Variants in PLXDC2 observed in about 807,000 individuals in gnomAD.
PLXDC2 encodes the protein plexin domain-containing protein 2.
A neutral mutation model predicts 68.9 loss-of-function variants in PLXDC2; 40 were observed. The ratio of observed to expected loss-of-function variants is 0.58; its 90% confidence interval spans 0.45 to 0.76. The LOEUF is 0.76. Among genes scored for constraint, PLXDC2 ranks in the 30% least tolerant of loss-of-function variants. The probability of loss-of-function intolerance (pLI) is 0.00; values close to 1 mark genes in which losing one functional copy is unlikely to be tolerated. For synonymous variants in PLXDC2, 243 were observed against 234.2 expected (o/e 1.04, Z -0.34); for missense variants, 644 against 661.9 (o/e 0.97, Z 0.30).
Position 20,225,749 on chromosome 10 carries a change from C to G in PLXDC2, c.1312+6647C>G, listed in dbSNP as rs149830573. Among the ~76,000 whole-genome samples, 36 of 152,218 alleles carry G rather than the reference C, an allele frequency of 2.4e-4. No individual in the cohort carries two copies. The East Asian group carries it at 6.8e-3, about 29-fold the overall frequency. On this transcript the variant is annotated intron_variant, in intron 12 of 13. Transcript: ENST00000377252. The stretch of plus-strand genomic sequence containing the variant: ...TTTATTATTCCAACTTACAAAATTT[C>G]TACACTCAAACTATTCTCCATAACA...
At chr10:19,873,422 T>TG (rs1564615613) in intron 1 of PLXDC2, among the ~76,000 whole-genome samples, 2 of 149,530 alleles carry the variant, frequency 1.3e-5, no homozygotes, top group African/African-American at 4.9e-5. Context: ...TTTTTTTTTT[T>TG]TTTTTTGAAC....
intron 1 of PLXDC2, among the ~76,000 whole-genome samples, chr10:19,921,655 G>A (rs1474542909): frequency 1.3e-5 from 2 of 152,172 alleles, no homozygotes; most frequent in East Asian, 3.9e-4. Context: ...TCTTCCTTAA[G>A]GTTGCAGCTT....
At chr10:19,873,191 C>T (rs914379600) in intron 1 of PLXDC2, among the ~76,000 whole-genome samples, 2 of 152,004 alleles carry the variant, frequency 1.3e-5, no homozygotes, top group Non-Finnish European at 2.9e-5. Flanking sequence ...GTGGAGGGAG[C>T]CTAGAGATGC....
At position 20,235,386 on chromosome 10, in the gene PLXDC2, A is replaced by G. The variant is rs1315106248; in HGVS notation, c.1313-9959A>G. Among the ~76,000 whole-genome samples, 4 of 152,368 alleles carry G rather than the reference A, an allele frequency of 2.6e-5. No homozygotes were observed. In the South Asian group the frequency reaches 6.2e-4, roughly 24 times the overall value. On this transcript the variant is annotated intron_variant, in intron 12 of 13. Coordinates refer to ENST00000377252, the MANE Select transcript of PLXDC2 (RefSeq NM_032812.9). ...GTATTAACAATAATACTGAAGATCA[A>G]TATAACAAAGTATACTAATCAATAG...
At chr10:20,190,745 C>G (rs1384838289) in intron 9 of PLXDC2, among the ~76,000 whole-genome samples, 2 of 151,656 alleles carry the variant, frequency 1.3e-5, no homozygotes, top group Non-Finnish European at 2.9e-5. Context: ...TGTGGGGAAT[C>G]TAATGTTAAA....
intron 3 of PLXDC2, among the ~76,000 whole-genome samples, chr10:20,056,140 A>G (rs1372784968): frequency 6.6e-6 from 1 of 152,188 alleles, no homozygotes; most frequent in East Asian, 1.9e-4. Flanking sequence ...TGCCTACCAC[A>G]TACAATATAT....
chr10:19,891,255 A>C (rs12572892), intron 1 of PLXDC2, among the ~76,000 whole-genome samples: 7,699 of 152,230 alleles, frequency 0.051, 274 homozygotes, highest in South Asian at 0.14. Flanking sequence ...ACCAAAATGC[A>C]ATATTATAGT....
intron 7 of PLXDC2, among the ~76,000 whole-genome samples, chr10:20,172,270 CT>C (rs1291865584): frequency 6.9e-6 from 1 of 144,250 alleles, no homozygotes; most frequent in African/African-American, 2.6e-5. Context: ...GATGTAATGA[CT>C]TGGCAAATAT....
chr10:19,895,264 G>A (rs1178934933), intron 1 of PLXDC2, among the ~76,000 whole-genome samples: 3 of 152,104 alleles, frequency 2.0e-5, no homozygotes, highest in Non-Finnish European at 2.9e-5. Flanking sequence ...GCCCAGCATG[G>A]TAGAGCTGGG....
Position 19,950,785 on chromosome 10 carries a change from A to G in PLXDC2, c.113-50990A>G, listed in dbSNP as rs142825799. Among the ~76,000 whole-genome samples the G allele has an allele frequency of 9.9e-3, 1,511 of 152,326 alleles. 27 individuals are homozygous for G. Among genetic ancestry groups the G allele is most frequent in the African/African-American group, 0.034 (1,408 of 41,576 alleles). ...GCTACAGTAAACAAAACAGCATGGTACTGGTACAAGAACAGACACATAGAC... is the reference window on the plus strand; with the variant it reads ...GCTACAGTAAACAAAACAGCATGGTGCTGGTACAAGAACAGACACATAGAC... On this transcript the variant is annotated intron_variant, in intron 1 of 13. Coordinates refer to ENST00000377252, the MANE Select transcript of PLXDC2 (RefSeq NM_032812.9).
chr10:20,200,178 A>G (rs894169284), intron 9 of PLXDC2, among the ~76,000 whole-genome samples: 1 of 151,964 alleles, frequency 6.6e-6, no homozygotes, highest in African/African-American at 2.4e-5. Context: ...AAAATTACAG[A>G]CACATGGTAT....
At chr10:19,967,685 A>G (rs1834286276) in intron 1 of PLXDC2, among the ~76,000 whole-genome samples, 1 of 152,222 alleles carries the variant, frequency 6.6e-6, no homozygotes, top group Non-Finnish European at 1.5e-5. Context: ...CTGAAAAAAC[A>G]TTGCAGATAC....
chr10:19,973,364 G>GTGTATATATGTATACA (rs1385368548), intron 1 of PLXDC2, among the ~76,000 whole-genome samples: 25 of 79,450 alleles, frequency 3.1e-4, no homozygotes, highest in African/African-American at 1.1e-3. Flanking sequence ...ACATATATAT[G>GTGTATATATGTATACA]TATACATATA....
chr10:20,073,757 A>G lies in PLXDC2; in HGVS notation c.541+5518A>G, dbSNP rs900933535. ...AAACAGTTTCATTAGTGATACCACC[A>G]AGATGTGTTTTTTGCATATCACACT... On this transcript the variant is annotated intron_variant, in intron 4 of 13. Coordinates refer to ENST00000377252, the MANE Select transcript of PLXDC2 (RefSeq NM_032812.9). Among the ~76,000 whole-genome samples the G allele has an allele frequency of 2.6e-5, 4 of 152,302 alleles. No homozygotes were observed. In the East Asian group the frequency reaches 7.7e-4, roughly 29 times the overall value.
intron 1 of PLXDC2, among the ~76,000 whole-genome samples, chr10:19,923,129 A>T (rs1375825827): frequency 6.6e-6 from 1 of 152,190 alleles, no homozygotes; most frequent in African/African-American, 2.4e-5. Context: ...TAGACCAGGA[A>T]GTTGTAAATT....
rs752122871 is a variant in PLXDC2, at chr10:20,176,974, T to C, written c.884-25T>C. The C allele has an allele frequency of 4.9e-5, 74 of 1,519,252 alleles. No individual in the cohort carries two copies. The East Asian group carries it at 1.6e-3, about 33-fold the overall frequency. 94.1% of individuals were successfully genotyped at this position (1,519,252 alleles called of 1,614,324 possible). A position where few individuals can be genotyped will look rare whatever the true frequency, so the allele number is the denominator to read the frequency against. ...TTGTAAGCGAGGAAAGGTTAAAAAT[T>C]GATTTTTTTTCCTTTTTTTTCTAGA... is the stretch of plus-strand genomic sequence containing the variant. On this transcript the variant is annotated intron_variant, in intron 7 of 13. Transcript: ENST00000377252.
At chr10:19,851,521 C>A (rs1441352676) in intron 1 of PLXDC2, among the ~76,000 whole-genome samples, 1 of 152,062 alleles carries the variant, frequency 6.6e-6, no homozygotes, top group Non-Finnish European at 1.5e-5. Flanking sequence ...CCCACACTTT[C>A]CTTCAGCTCT....
chr10:19,890,202 C>CT (rs1439748083), intron 1 of PLXDC2, among the ~76,000 whole-genome samples: 2 of 151,906 alleles, frequency 1.3e-5, no homozygotes, highest in African/African-American at 2.4e-5. Flanking sequence ...TAGAGAACTG[C>CT]TTTTTTCATT....
chr10:19,900,757 G>A (rs929085294), intron 1 of PLXDC2, among the ~76,000 whole-genome samples: 2 of 151,604 alleles, frequency 1.3e-5, no homozygotes, highest in East Asian at 1.9e-4. Flanking sequence ...TCTCACCCCC[G>A]CCTACCCTTT....
Sources: gnomAD v4.1 joint callset for allele counts (sites outside exome capture counted in the v4.1 genomes callset) on GRCh38, gnomAD v4.1.1 for gene constraint, MANE v1.5 for transcripts, NCBI Gene and HGNC (gene_info 2026-07-23, HGNC 2026-07-21) for gene names.